LRMDA: variants seen among roughly 807,000 people sequenced by gnomAD.
LRMDA encodes leucine rich melanocyte differentiation associated.
LRMDA carries 18 observed loss-of-function variants against 29.8 expected under a neutral mutation model. The ratio of observed to expected loss-of-function variants is 0.60; its 90% CI spans 0.42 to 0.90. LRMDA has a LOEUF of 0.90. LRMDA is among the 40% of genes least tolerant of loss of function. LRMDA has a pLI of 0.00. For missense variants in LRMDA, 273 were observed against 273.9 expected, an observed-to-expected ratio of 1.00 and a Z score of 0.02; for synonymous variants, 125 against 109.4, an observed-to-expected ratio of 1.14 and a Z score of -0.89.
intron 6 of LRMDA, among the ~76,000 whole-genome samples, chr10:76,471,295 TTAGCACA>T (rs1842615304): frequency 6.6e-6 from 1 of 151,832 alleles, no homozygotes; most frequent in Admixed American, 6.6e-5. Flanking sequence ...TATAACAATA[TTAGCACA>T]AAAGGAGGAA....
At chr10:75,729,081 TCTTTTGCCACATC>T in intron 2 of LRMDA, among the ~76,000 whole-genome samples, 1 of 152,346 alleles carries the variant, frequency 6.6e-6, no homozygotes, top group East Asian at 1.9e-4. Flanking sequence ...CCCAGCCCTC[TCTTTTGCCACATC>T]GCAGGACTGG....
intron 2 of LRMDA, among the ~76,000 whole-genome samples, chr10:75,621,688 A>T (rs1392188779): frequency 6.6e-6 from 1 of 152,168 alleles, no homozygotes; most frequent in Admixed American, 6.5e-5. Flanking sequence ...TCCTGGGCAC[A>T]GCAGTTCATC....
intron 2 of LRMDA, among the ~76,000 whole-genome samples, chr10:75,967,912 C>T (rs546904371): frequency 1.3e-5 from 2 of 152,248 alleles, no homozygotes; most frequent in African/African-American, 4.8e-5. Flanking sequence ...CAGGAGGAAC[C>T]TGTAATGTGT....
At chr10:75,701,420 C>T (rs1244590134) in intron 2 of LRMDA, among the ~76,000 whole-genome samples, 1 of 152,158 alleles carries the variant, frequency 6.6e-6, no homozygotes, top group East Asian at 1.9e-4. Flanking sequence ...CTGATTTTAG[C>T]CAATAGCTTC....
At chr10:76,526,402 A>T (rs1048852904) in intron 6 of LRMDA, among the ~76,000 whole-genome samples, 1 of 152,060 alleles carries the variant, frequency 6.6e-6, no homozygotes, top group Non-Finnish European at 1.5e-5. Context: ...TCCTGGCATC[A>T]TTTCCTCACC....
intron 2 of LRMDA, among the ~76,000 whole-genome samples, chr10:75,808,479 CT>C (rs1843897370): frequency 6.6e-6 from 1 of 152,172 alleles, no homozygotes; most frequent in Non-Finnish European, 1.5e-5. Context: ...AGAAAGTCAT[CT>C]TTCTATAATC....
chr10:75,513,725 T>C (rs1245774677), intron 2 of LRMDA, among the ~76,000 whole-genome samples: 1 of 152,194 alleles, frequency 6.6e-6, no homozygotes, highest in Non-Finnish European at 1.5e-5. Flanking sequence ...CCTCCGTTTC[T>C]GATTTTACAT....
In LRMDA at chr10:75,954,174, G is replaced by A. The variant is rs147976746; in HGVS notation, c.132-81834G>A. On this transcript the variant is annotated intron_variant, in intron 2 of 6. Coordinates refer to ENST00000611255, the MANE Select transcript of LRMDA (RefSeq NM_001305581.2). ...CCTGCCACCTGAATGAGCTCAGAAGGCGATCTTTTCCCCCAGCGTATCTGG... is the reference window on the plus strand; with the variant it reads ...CCTGCCACCTGAATGAGCTCAGAAGACGATCTTTTCCCCCAGCGTATCTGG... Among the ~76,000 whole-genome samples, 515 of 152,276 alleles carry A rather than the reference G, an allele frequency of 3.4e-3. 3 individuals carry two copies. The highest frequency in any genetic ancestry group is 0.011 in the African/African-American group (469 of 41,534).
intron 2 of LRMDA, among the ~76,000 whole-genome samples, chr10:75,851,102 A>AT (rs1288769482): frequency 6.6e-6 from 1 of 152,150 alleles, no homozygotes; most frequent in Non-Finnish European, 1.5e-5. Context: ...ATGGGACTTA[A>AT]TTTTCTCTTG....
chr10:75,883,437 AT>A (rs1845327305), intron 2 of LRMDA: 1 of 152,172 alleles, frequency 6.6e-6, no homozygotes, highest in African/African-American at 2.4e-5. Context: ...AGAGTTGAAG[AT>A]TTCTGATGGC....
intron 5 of LRMDA, among the ~76,000 whole-genome samples, chr10:76,323,579 T>C (rs1051607221): frequency 4.1e-4 from 63 of 152,272 alleles, no homozygotes; most frequent in African/African-American, 1.3e-3. Context: ...GCAGCTACAC[T>C]GTGAGTGTGG....
chr10:76,511,360 C>A (rs1415963839), intron 6 of LRMDA, among the ~76,000 whole-genome samples: 2 of 151,116 alleles, frequency 1.3e-5, no homozygotes, highest in African/African-American at 4.9e-5. Context: ...GAAAGGAGGG[C>A]CTGGGATTTT....
chr10:76,113,093 T>TG (rs1300872470), intron 5 of LRMDA, among the ~76,000 whole-genome samples: 2 of 152,064 alleles, frequency 1.3e-5, no homozygotes, highest in Non-Finnish European at 2.9e-5. Flanking sequence ...AAGGCATCAG[T>TG]GGGGAGAGGA....
At chr10:76,245,507 G>A (rs1292734281) in intron 5 of LRMDA, among the ~76,000 whole-genome samples, 1 of 152,198 alleles carries the variant, frequency 6.6e-6, no homozygotes, top group East Asian at 1.9e-4. Context: ...ATGGTGAGAG[G>A]GAAGGAAAGG....
intron 5 of LRMDA, among the ~76,000 whole-genome samples, chr10:76,221,911 C>G (rs1405845118): frequency 6.6e-6 from 1 of 151,832 alleles, no homozygotes; most frequent in Non-Finnish European, 1.5e-5. Context: ...GTACTGGTAC[C>G]AAAACAGAGA....
In LRMDA at chr10:75,983,687, C is replaced by A. The variant is rs558933645; in HGVS notation, c.132-52321C>A. ...CTTTTCTTTTTGATACAGAGTCTTG[C>A]TCTGTCGCCCAGGCTGGAGTGCAGT... On this transcript the variant is annotated intron_variant, in intron 2 of 6. Coordinates refer to ENST00000611255, the MANE Select transcript of LRMDA (RefSeq NM_001305581.2). Among the ~76,000 whole-genome samples the A allele has an allele frequency of 7.9e-5, 12 of 152,260 alleles. No homozygotes were observed. In the South Asian group the frequency reaches 1.9e-3, roughly 24 times the overall value.
chr10:75,588,839 CTTT>C (rs1014526358), intron 2 of LRMDA, among the ~76,000 whole-genome samples: 1 of 152,006 alleles, frequency 6.6e-6, no homozygotes, highest in African/African-American at 2.4e-5. Context: ...TAGATTATGT[CTTT>C]GTCATTTATA....
At chr10:76,407,621 A>G (rs963241645) in intron 6 of LRMDA, among the ~76,000 whole-genome samples, 2 of 152,236 alleles carry the variant, frequency 1.3e-5, no homozygotes, top group African/African-American at 4.8e-5. Context: ...ATAGGTAAGT[A>G]AAAAGAGACA....
At chr10:76,183,822 G>T (rs1182936749) in intron 5 of LRMDA, among the ~76,000 whole-genome samples, 3 of 152,040 alleles carry the variant, frequency 2.0e-5, no homozygotes, top group African/African-American at 4.8e-5. Context: ...GGGTGCAATT[G>T]TTCCTCCTAC....
Sources: gnomAD v4.1 joint callset for allele counts (sites outside exome capture counted in the v4.1 genomes callset) on GRCh38, gnomAD v4.1.1 for gene constraint, MANE v1.5 for transcripts, NCBI Gene and HGNC (gene_info 2026-07-23, HGNC 2026-07-21) for gene names.